ARPC2: variants seen among roughly 807,000 people sequenced by gnomAD.
ARPC2 encodes actin-related protein 2/3 complex subunit 2.
A neutral mutation model predicts 38.6 loss-of-function variants in ARPC2; 4 were observed. The ratio of observed to expected loss-of-function variants is 0.10; its 90% CI spans 0.05 to 0.24. The LOEUF (loss-of-function observed/expected upper bound fraction) is 0.24. Ranked by LOEUF, ARPC2 falls within the 10% of genes least tolerant of loss-of-function variation. ARPC2 has a pLI of 1.00. For missense variants in ARPC2, 229 were observed against 387.3 expected, an observed-to-expected ratio of 0.59 and a Z score of 3.43; for synonymous variants, 125 against 140.8, an observed-to-expected ratio of 0.89 and a Z score of 0.79.
intron 2 of ARPC2, among the ~76,000 whole-genome samples, chr2:218,220,956 A>G (rs373085918): frequency 2.6e-4 from 40 of 152,208 alleles, no homozygotes; most frequent in Admixed American, 1.3e-3. Flanking sequence ...CACTGCAAAT[A>G]ACCTCATGCA....
chr2:218,230,999 A>G (rs1689620960), intron 4 of ARPC2, among the ~76,000 whole-genome samples: 2 of 152,228 alleles, frequency 1.3e-5, no homozygotes, highest in Admixed American at 6.5e-5. Context: ...ACAAGGGTCA[A>G]AGAACCAGCC....
intron 4 of ARPC2, among the ~76,000 whole-genome samples, chr2:218,232,701 C>G (rs1016417974): frequency 2.0e-5 from 3 of 151,956 alleles, no homozygotes; most frequent in Admixed American, 2.0e-4. Context: ...TCCCAAGTAG[C>G]TGGTACTACA....
At position 218,254,092 on chromosome 2, in the gene ARPC2, C is replaced by T; in HGVS notation, c.*177C>T. On this transcript the variant is annotated 3_prime_UTR_variant, in exon 11 of 11. Transcript: ENST00000315717. ...AAACGAGCTGTGCTTGCAAAGACTT[C>T]ATAGTTCCCAAGAATTAAAAAAAAA... 1.9e-6 allele frequency: 1 copy of T among 518,800 alleles called. No individual in the cohort carries two copies. The highest frequency in any genetic ancestry group is 3.2e-6 in the Non-Finnish European group (1 of 308,712). 32.1% of individuals were successfully genotyped at this position (518,800 alleles called of 1,614,324 possible).
intron 3 of ARPC2, chr2:218,227,069 T>C (rs577709603): frequency 2.2e-5 from 10 of 455,902 alleles, no homozygotes; most frequent in Middle Eastern, 3.3e-4. Flanking sequence ...TGGAAGACTT[T>C]TGCAGCTCTG....
At chr2:218,252,339 T>C (rs1026507777) in intron 10 of ARPC2, among the ~76,000 whole-genome samples, 2 of 152,228 alleles carry the variant, frequency 1.3e-5, no homozygotes, top group African/African-American at 2.4e-5. Context: ...ATCGTTTCTT[T>C]TCTGCAGCTT....
At chr2:218,241,248 A>G (rs1689908384) in intron 7 of ARPC2, among the ~76,000 whole-genome samples, 1 of 152,230 alleles carries the variant, frequency 6.6e-6, no homozygotes. Context: ...GTGGCTAGGA[A>G]AATCTTCAAA....
intron 10 of ARPC2, among the ~76,000 whole-genome samples, chr2:218,251,620 A>G (rs1690193988): frequency 6.6e-6 from 1 of 151,504 alleles, no homozygotes; most frequent in African/African-American, 2.4e-5. Context: ...CAGCTGGCTA[A>G]TTTTTGTATT....
chr2:218,229,805 T>C (rs1689588188), intron 4 of ARPC2, among the ~76,000 whole-genome samples: 1 of 152,222 alleles, frequency 6.6e-6, no homozygotes, highest in South Asian at 2.1e-4. Context: ...AAGAAATATT[T>C]AGAGGATTTG....
At chr2:218,225,999 A>G (rs1247878884) in intron 3 of ARPC2, 45 bp downstream of exon 3, 1 of 1,600,724 alleles carries the variant, frequency 6.2e-7, no homozygotes, top group South Asian at 1.1e-5. Flanking sequence ...GTACAATATG[A>G]AAAATAGGAA....
At chr2:218,249,626 T>C (rs1690131975) in intron 9 of ARPC2, 162 bp downstream of exon 9, 2 of 745,842 alleles carry the variant, frequency 2.7e-6, no homozygotes, top group African/African-American at 3.5e-5. Flanking sequence ...ATCAAGCCAC[T>C]GTCCCCCATC....
intron 5 of ARPC2, among the ~76,000 whole-genome samples, chr2:218,237,581 T>C (rs1353460557): frequency 7.2e-5 from 11 of 151,778 alleles, no homozygotes; most frequent in Non-Finnish European, 1.5e-4. Flanking sequence ...TTTTTTGTTT[T>C]TGTTTTTTTT....
At chr2:218,247,279 G>C (rs150328924) in intron 8 of ARPC2, among the ~76,000 whole-genome samples, 1 of 152,328 alleles carries the variant, frequency 6.6e-6, no homozygotes, top group African/African-American at 2.4e-5. Flanking sequence ...TCTTCCTTCA[G>C]TTGCTCCAGC....
At chr2:218,230,867 T>C (rs1689618675) in intron 4 of ARPC2, among the ~76,000 whole-genome samples, 1 of 152,074 alleles carries the variant, frequency 6.6e-6, no homozygotes, top group Non-Finnish European at 1.5e-5. Context: ...AAGGAAAAGA[T>C]CTAAATGCAA....
chr2:218,252,943 A>C (rs944739376), intron 10 of ARPC2: 1 of 456,796 alleles, frequency 2.2e-6, no homozygotes, highest in Admixed American at 2.3e-5. Context: ...TCTGTGCTGC[A>C]GCTTCTCTTT....
At chr2:218,245,320 G>T in intron 7 of ARPC2, 100 bp from the exon 8 acceptor site, 1 of 1,463,468 alleles carries the variant, frequency 6.8e-7, no homozygotes, top group Non-Finnish European at 9.4e-7. Flanking sequence ...TGGTCTGGAG[G>T]GCTACAAAGG....
rs147948991 is a variant in ARPC2, at chr2:218,223,084, G to A, written c.75-2836G>A. Among the ~76,000 whole-genome samples, 865 of 152,290 alleles carry A rather than the reference G, an allele frequency of 5.7e-3. 7 individuals carry two copies. The highest frequency in any genetic ancestry group is 9.0e-3 in the Non-Finnish European group (614 of 68,010). ...ACCGTTTGAGAAACTTTGCTGTACAGTAGTCCCCCCTTATCTGTGGTTTTG... is the reference window on the plus strand; with the variant it reads ...ACCGTTTGAGAAACTTTGCTGTACAATAGTCCCCCCTTATCTGTGGTTTTG... On this transcript the variant is annotated intron_variant, in intron 2 of 10. Transcript: ENST00000315717.
intron 2 of ARPC2, among the ~76,000 whole-genome samples, chr2:218,223,273 T>C (rs7558119): frequency 0.02 from 3,043 of 152,372 alleles, 92 homozygotes; most frequent in African/African-American, 0.068. Context: ...ATCATCTTTT[T>C]GTCTAGCATA....
At chr2:218,237,600 C>T (rs1335721425) in intron 5 of ARPC2, among the ~76,000 whole-genome samples, 1 of 146,606 alleles carries the variant, frequency 6.8e-6, no homozygotes, top group Non-Finnish European at 1.5e-5. Flanking sequence ...TTTTTTGGAG[C>T]TGGAGTCTCG....
In ARPC2 at chr2:218,223,320, A is replaced by G. The variant is rs150216939; in HGVS notation, c.75-2600A>G. Among the ~76,000 whole-genome samples the G allele has an allele frequency of 2.3e-3, 352 of 152,326 alleles. 3 individuals carry two copies. The highest frequency in any genetic ancestry group is 6.8e-3 in the Middle Eastern group (2 of 294). On this transcript the variant is annotated intron_variant, in intron 2 of 10. Coordinates refer to ENST00000315717, the MANE Select transcript of ARPC2 (RefSeq NM_152862.3). ...TACGCTACCCTCTGTTAGTCGCTTAATAGCTGTCTAGGTTATCAGATTGAC... is the reference window on the plus strand; with the variant it reads ...TACGCTACCCTCTGTTAGTCGCTTAGTAGCTGTCTAGGTTATCAGATTGAC...
Sources: gnomAD v4.1 joint callset for allele counts (sites outside exome capture counted in the v4.1 genomes callset) on GRCh38, gnomAD v4.1.1 for gene constraint, MANE v1.5 for transcripts, NCBI Gene and HGNC (gene_info 2026-07-23, HGNC 2026-07-21) for gene names.